Variants in TIA1 observed in about 807,000 individuals in gnomAD.
The protein encoded by TIA1 is cytotoxic granule associated RNA binding protein TIA1.
TIA1 carries 23 observed loss-of-function variants against 65.9 expected under a neutral mutation model. The ratio of observed to expected loss-of-function variants is 0.35; its 90% CI spans 0.25 to 0.49. The LOEUF is 0.49. TIA1 is among the 20% of genes least tolerant of loss of function. The pLI is 0.98. For missense variants in TIA1, 371 were observed against 477.9 expected, an observed-to-expected ratio of 0.78 and a Z score of 2.09; for synonymous variants, 147 against 149.4, an observed-to-expected ratio of 0.98 and a Z score of 0.12.
rs183181247 is a variant in TIA1, at chr2:70,241,558, C to A, written c.27-5383G>T. Among the ~76,000 whole-genome samples the A allele has an allele frequency of 1.1e-3, 173 of 152,288 alleles. 1 individual carries two copies. The highest frequency in any genetic ancestry group is 4.0e-3 in the African/African-American group (167 of 41,564). The stretch of plus-strand genomic sequence containing the variant: ...TAATCTTCCTCTTCCTGAGTGTGAG[C>A]TAGCCTCGGTGACTTACTTCTAACC... On this transcript the variant is annotated intron_variant, in intron 1 of 12. Coordinates refer to ENST00000433529, the MANE Select transcript of TIA1 (RefSeq NM_022173.4).
chr2:70,217,258 G>A lies in TIA1; in HGVS notation c.475-264C>T, dbSNP rs868488845. Reference sequence around the variant, plus strand: ...GTGATCTTGGGTCACTGCAACCTCCGCCAACTGGGTTCAAGCGATTCTCCT... The same window carrying A: ...GTGATCTTGGGTCACTGCAACCTCCACCAACTGGGTTCAAGCGATTCTCCT... On this transcript the variant is annotated intron_variant, in intron 7 of 12. Transcript: ENST00000433529. 3.4e-4 allele frequency: 77 copies of A among 225,064 alleles called. 1 individual carries two copies. The highest frequency in any genetic ancestry group is 1.4e-3 in the Middle Eastern group (1 of 700). 13.9% of individuals were successfully genotyped at this position (225,064 alleles called of 1,614,324 possible).
Position 70,216,450 on chromosome 2 carries a change from T to C in TIA1, c.633A>G (p.Pro211=), listed in dbSNP as rs763124338. ...CTCCACAGTATACAGTACAGTTGCT[T>C]GGACTAGACTGATTTACAACCTCAT... ...SYDEVVNQSS[P]SNCTVYCGGV... Residue 211 remains proline, a synonymous_variant, in exon 9 of 13, where the codon CCA becomes CCG. Transcript: ENST00000433529. 30 of 1,614,006 alleles carry C rather than the reference T, an allele frequency of 1.9e-5. No individual in the cohort carries two copies. The South Asian group carries it at 3.1e-4, about 17-fold the overall frequency.
At chr2:70,235,433 C>A (rs1176551900) in intron 2 of TIA1, among the ~76,000 whole-genome samples, 23 of 151,888 alleles carry the variant, frequency 1.5e-4, no homozygotes, top group Admixed American at 1.5e-3. Context: ...AATTTAAAGT[C>A]TTTTCCCCCC....
chr2:70,224,441 A>C lies in TIA1; in HGVS notation c.474+113T>G. ...AGAAGAAATCTTCTAGTGAGGGTTT[A>C]TTTTAATCATCAGTAAAATAAACAG... On this transcript the variant is annotated intron_variant, in intron 7 of 12. Transcript: ENST00000433529. 1.4e-6 allele frequency: 2 copies of C among 1,457,638 alleles called. 1 individual carries two copies. Among genetic ancestry groups the C allele is most frequent in the South Asian group, 2.5e-5 (2 of 80,926 alleles). The allele number at this position is 1,457,638 out of a possible 1,614,324, so 90.3% of individuals were successfully genotyped here. A position where few individuals can be genotyped will look rare whatever the true frequency, so the allele number is the denominator to read the frequency against.
intron 4 of TIA1, 51 bp from the exon 5 acceptor site, chr2:70,229,142 C>G (rs374728720): frequency 1.2e-6 from 2 of 1,609,094 alleles, no homozygotes; most frequent in South Asian, 1.1e-5. Flanking sequence ...CAAACACATT[C>G]AATCATATCT....
chr2:70,222,040 A>G (rs1185043958), intron 7 of TIA1, among the ~76,000 whole-genome samples: 1 of 152,114 alleles, frequency 6.6e-6, no homozygotes, highest in Non-Finnish European at 1.5e-5. Context: ...TTAGTCTCCC[A>G]AAGTGCTGGG....
intron 1 of TIA1, among the ~76,000 whole-genome samples, chr2:70,239,371 C>T (rs568489141): frequency 2.0e-5 from 3 of 152,158 alleles, no homozygotes; most frequent in South Asian, 2.1e-4. Flanking sequence ...GGATTACAGG[C>T]GTGAGCCACT....
At chr2:70,214,837 GATTA>G (rs934315755) in intron 11 of TIA1, among the ~76,000 whole-genome samples, 1 of 152,104 alleles carries the variant, frequency 6.6e-6, no homozygotes, top group Non-Finnish European at 1.5e-5. Flanking sequence ...GGGAAGATGT[GATTA>G]ATTATTTCTA....
At chr2:70,216,363 G>A in intron 9 of TIA1, 41 bp downstream of exon 9, 1 of 1,589,564 alleles carries the variant, frequency 6.3e-7, no homozygotes, top group Non-Finnish European at 8.6e-7. Flanking sequence ...ATTAAGCTTT[G>A]CACTTTAAAA....
At chr2:70,228,225 ATAG>A in intron 5 of TIA1, 1 of 719,272 alleles carries the variant, frequency 1.4e-6, no homozygotes, top group Non-Finnish European at 1.9e-6. Flanking sequence ...TTAAAATAAA[ATAG>A]TGGTACTGTG....
chr2:70,226,690 G>T (rs1232877078), intron 6 of TIA1, among the ~76,000 whole-genome samples: 1 of 152,124 alleles, frequency 6.6e-6, no homozygotes, highest in Non-Finnish European at 1.5e-5. Context: ...ATATTCGAAA[G>T]CAAGCTAATT....
chr2:70,215,169 T>C (rs1455810108), intron 11 of TIA1: 2 of 595,646 alleles, frequency 3.4e-6, no homozygotes, highest in Non-Finnish European at 5.7e-6. Context: ...TGTGTGAGCA[T>C]GAGTCAATTG....
intron 11 of TIA1, among the ~76,000 whole-genome samples, chr2:70,214,802 T>C (rs897387374): frequency 3.9e-5 from 6 of 152,222 alleles, no homozygotes; most frequent in Non-Finnish European, 8.8e-5. Context: ...TGGTATACTA[T>C]CTACATGATT....
At chr2:70,240,705 C>G (rs552787240) in intron 1 of TIA1, among the ~76,000 whole-genome samples, 2 of 152,256 alleles carry the variant, frequency 1.3e-5, no homozygotes, top group African/African-American at 2.4e-5. Flanking sequence ...CTCATCTCTA[C>G]TACAATAAAT....
intron 1 of TIA1, among the ~76,000 whole-genome samples, chr2:70,243,418 C>A (rs1249747602): frequency 6.6e-6 from 1 of 152,060 alleles, no homozygotes; most frequent in East Asian, 1.9e-4. Context: ...CAGGATGAGA[C>A]CCTATCTCAA....
chr2:70,228,351 T>C, intron 5 of TIA1: 1 of 1,286,464 alleles, frequency 7.8e-7, no homozygotes, highest in Non-Finnish European at 1.0e-6. Flanking sequence ...TACCTTGCAT[T>C]GCAACAGTTT....
At chr2:70,237,443 A>G (rs889013262) in intron 1 of TIA1, among the ~76,000 whole-genome samples, 4 of 152,090 alleles carry the variant, frequency 2.6e-5, no homozygotes. Flanking sequence ...AGGGGAAGCT[A>G]GTATGTGCTT....
chr2:70,214,655 A>C (rs1677816346), intron 11 of TIA1, among the ~76,000 whole-genome samples, 161 bp from the exon 12 acceptor site: 1 of 152,036 alleles, frequency 6.6e-6, no homozygotes, highest in South Asian at 2.1e-4. Flanking sequence ...AAAAAAAAAA[A>C]AAACAAAAAA....
In TIA1 at chr2:70,218,051, C is replaced by A. The variant is rs548435125; in HGVS notation, c.475-1057G>T. Reference sequence around the variant, plus strand: ...AGGGACACACTGGTAAACAAGCATACATGGTCTCTTACATTCTTTTGTGGG... The same window carrying A: ...AGGGACACACTGGTAAACAAGCATAAATGGTCTCTTACATTCTTTTGTGGG... On this transcript the variant is annotated intron_variant, in intron 7 of 12. Transcript: ENST00000433529. Among the ~76,000 whole-genome samples the A allele has an allele frequency of 1.3e-4, 20 of 152,334 alleles. No individual in the cohort carries two copies. The East Asian group carries it at 3.7e-3, about 28-fold the overall frequency.
Sources: gnomAD v4.1 joint callset for allele counts (sites outside exome capture counted in the v4.1 genomes callset) on GRCh38, gnomAD v4.1.1 for gene constraint, MANE v1.5 for transcripts, NCBI Gene and HGNC (gene_info 2026-07-23, HGNC 2026-07-21) for gene names.